The following GYS2 variants were observed in gnomAD, a reference collection of about 807,000 sequenced individuals.
The protein encoded by GYS2 is glycogen [starch] synthase, liver.
Under a neutral mutation model 85.6 loss-of-function variants are expected in GYS2, and 80 were observed. The observed-to-expected ratio is 0.93, with a 90% CI of 0.78 to 1.13. The LOEUF (loss-of-function observed/expected upper bound fraction) is 1.13, where lower values mean the gene tolerates loss of function less well. Ranked by LOEUF, GYS2 falls within the 50% of genes most tolerant of loss-of-function variation. The probability of loss-of-function intolerance (pLI) is 0.00; values close to 1 mark genes in which losing one functional copy is unlikely to be tolerated. For synonymous variants in GYS2, 328 were observed against 300.7 expected (o/e 1.09, Z -0.94); for missense variants, 881 against 854.9 (o/e 1.03, Z -0.38).
chr12:21,542,382 A>G (rs1052290205), intron 13 of GYS2, 114 bp downstream of exon 13: 12 of 760,942 alleles, frequency 1.6e-5, no homozygotes, highest in Non-Finnish European at 2.9e-5. Flanking sequence ...AGAAATATAA[A>G]AACATTAGTT....
intron 12 of GYS2, 24 bp downstream of exon 12, chr12:21,546,320 C>G: frequency 6.5e-7 from 1 of 1,547,232 alleles, no homozygotes; most frequent in Non-Finnish European, 8.9e-7. Context: ...TCAAAACATT[C>G]CACACTCTAT....
At chr12:21,600,376 C>T (rs1044486395) in intron 1 of GYS2, among the ~76,000 whole-genome samples, 1 of 152,250 alleles carries the variant, frequency 6.6e-6, no homozygotes, top group Admixed American at 6.5e-5. Flanking sequence ...AATTCTCCCA[C>T]CTCAGCCTTG....
chr12:21,553,161 CG>C (rs1565596048), intron 11 of GYS2, among the ~76,000 whole-genome samples: 1 of 152,178 alleles, frequency 6.6e-6, no homozygotes, highest in Non-Finnish European at 1.5e-5. Context: ...GTGATCCCCC[CG>C]CCTCAGTCTT....
At chr12:21,550,314 AACACACACAC>A (rs10582787) in intron 11 of GYS2, among the ~76,000 whole-genome samples, 23,772 of 147,574 alleles carry the variant, frequency 0.16, 2,447 homozygotes, top group African/African-American at 0.3. Flanking sequence ...AGACAGAAAG[AACACACACAC>A]ACACACACAC....
chr12:21,537,531 A>G (rs571327659), intron 15 of GYS2, among the ~76,000 whole-genome samples: 1 of 152,304 alleles, frequency 6.6e-6, no homozygotes, highest in Non-Finnish European at 1.5e-5. Flanking sequence ...TGGTAGAGCA[A>G]AGATTTGTAC....
intron 4 of GYS2, among the ~76,000 whole-genome samples, chr12:21,573,564 T>A (rs1014798638): frequency 1.3e-5 from 2 of 152,184 alleles, no homozygotes; most frequent in Admixed American, 1.3e-4. Flanking sequence ...CAAAAATAAC[T>A]TCTTGTTCAC....
At chr12:21,574,869 G>A (rs181215287) in intron 3 of GYS2, among the ~76,000 whole-genome samples, 1 of 151,174 alleles carries the variant, frequency 6.6e-6, no homozygotes, top group Non-Finnish European at 1.5e-5. Flanking sequence ...TTATGGAGAA[G>A]CAAATGTTGC....
intron 12 of GYS2, among the ~76,000 whole-genome samples, chr12:21,544,464 C>T (rs1944014923): frequency 6.6e-6 from 1 of 152,096 alleles, no homozygotes; most frequent in African/African-American, 2.4e-5. Flanking sequence ...TTTCTTGACC[C>T]GACAGAAAGG....
intron 7 of GYS2, among the ~76,000 whole-genome samples, chr12:21,562,196 C>T (rs1277023370): frequency 6.6e-6 from 1 of 152,112 alleles, no homozygotes; most frequent in Non-Finnish European, 1.5e-5. Flanking sequence ...GGAGTAAGAA[C>T]CTTCTTTTTC....
At chr12:21,597,717 G>T (rs898753329) in intron 1 of GYS2, among the ~76,000 whole-genome samples, 7 of 152,006 alleles carry the variant, frequency 4.6e-5, no homozygotes, top group African/African-American at 1.7e-4. Context: ...CAAAGGAAAA[G>T]AATTCAGAAT....
intron 1 of GYS2, 117 bp from the exon 2 acceptor site, chr12:21,580,640 G>A (rs1944498474): frequency 2.5e-6 from 2 of 794,544 alleles, no homozygotes; most frequent in Non-Finnish European, 2.2e-6. Flanking sequence ...TAAGCCCAAG[G>A]ATTTATTTAC....
At chr12:21,598,782 C>T (rs1944723016) in intron 1 of GYS2, among the ~76,000 whole-genome samples, 1 of 152,020 alleles carries the variant, frequency 6.6e-6, no homozygotes, top group African/African-American at 2.4e-5. Context: ...TTTACCACAG[C>T]GTAGGTCATT....
chr12:21,553,456 A>T (rs1462734811), intron 11 of GYS2, among the ~76,000 whole-genome samples: 2 of 152,170 alleles, frequency 1.3e-5, no homozygotes, highest in African/African-American at 4.8e-5. Flanking sequence ...GACAGCACCA[A>T]TTGCCTTCCC....
chr12:21,539,392 A>G, intron 14 of GYS2, 54 bp from the exon 15 acceptor site: 1 of 950,172 alleles, frequency 1.1e-6, no homozygotes, highest in South Asian at 1.3e-5. Context: ...ATATCTCAAT[A>G]ATCAAGTTAT....
At chr12:21,541,510 T>C (rs896441303) in intron 13 of GYS2, among the ~76,000 whole-genome samples, 3 of 151,946 alleles carry the variant, frequency 2.0e-5, no homozygotes, top group African/African-American at 7.3e-5. Flanking sequence ...GACCAATATA[T>C]GCACTCTAAG....
chr12:21,597,833 G>T (rs1380393222), intron 1 of GYS2, among the ~76,000 whole-genome samples: 1 of 152,078 alleles, frequency 6.6e-6, no homozygotes, highest in Non-Finnish European at 1.5e-5. Flanking sequence ...AGAAAATGTG[G>T]TGTATACACA....
At position 21,537,076 on chromosome 12, in the gene GYS2, C is replaced by T; in HGVS notation, c.1990G>A (p.Glu664Lys). Residue 664 changes from glutamate (E) to lysine (K), a missense_variant, in exon 16 of 16, where the codon GAG becomes AAG. Physicochemically the swap from Glu to Lys is moderately conservative, Grantham distance 56. Transcript: ENST00000261195. ...TCTTCCTCATCGTATCTCTCATCCT[C>T]CACTTCATCTTCCACATCACTGCTC... ...PQSSDVEDEVEDERYDEEEEA... is the reference protein window; with the variant it reads ...PQSSDVEDEVKDERYDEEEEA... 1 of 1,613,852 alleles carries T rather than the reference C, an allele frequency of 6.2e-7. No homozygotes were observed. Among genetic ancestry groups the T allele is most frequent in the Admixed American group, 1.7e-5 (1 of 60,002 alleles).
At chr12:21,572,861 C>T (rs996405786) in intron 4 of GYS2, among the ~76,000 whole-genome samples, 2 of 152,262 alleles carry the variant, frequency 1.3e-5, no homozygotes, top group Middle Eastern at 3.4e-3. Context: ...AATATTCAAT[C>T]TGCCACTCTA....
intron 1 of GYS2, among the ~76,000 whole-genome samples, chr12:21,583,041 C>T (rs1944530353): frequency 6.6e-6 from 1 of 152,164 alleles, no homozygotes; most frequent in Admixed American, 6.5e-5. Context: ...AGGAGTATAT[C>T]AACTCTCCAG....
Sources: gnomAD v4.1 joint callset for allele counts (sites outside exome capture counted in the v4.1 genomes callset) on GRCh38, gnomAD v4.1.1 for gene constraint, MANE v1.5 for transcripts, NCBI Gene and HGNC (gene_info 2026-07-23, HGNC 2026-07-21) for gene names.